The following ATRNL1 variants were observed in gnomAD, a reference collection of about 807,000 sequenced individuals.
ATRNL1 encodes the protein attractin like 1, also known as attractin-like protein 1.
Under a neutral mutation model 182.7 loss-of-function variants are expected in ATRNL1, and 95 were observed. The ratio of observed to expected loss-of-function variants is 0.52; its 90% CI spans 0.44 to 0.62. The LOEUF is 0.62. ATRNL1 is among the 20% of genes least tolerant of loss of function. ATRNL1 has a pLI of 0.00. For missense variants in ATRNL1, 1,471 were observed against 1,679.5 expected (o/e 0.88, Z 2.17); for synonymous variants, 576 against 568.3 (o/e 1.01, Z -0.19).
At chr10:115,203,361 G>A (rs868937209) in intron 8 of ATRNL1, among the ~76,000 whole-genome samples, 5 of 152,020 alleles carry the variant, frequency 3.3e-5, no homozygotes, top group African/African-American at 4.8e-5. Flanking sequence ...ACTTCTTAGA[G>A]AAAAAACAGA....
At chr10:115,099,846 C>A (rs1439331315) in intron 1 of ATRNL1, among the ~76,000 whole-genome samples, 1 of 152,126 alleles carries the variant, frequency 6.6e-6, no homozygotes, top group Non-Finnish European at 1.5e-5. Flanking sequence ...ATATCATTTG[C>A]ATATATTTTC....
At chr10:115,472,493 TTTA>T (rs1430799199) in intron 24 of ATRNL1, among the ~76,000 whole-genome samples, 2 of 151,072 alleles carry the variant, frequency 1.3e-5, no homozygotes, top group Non-Finnish European at 1.5e-5. Flanking sequence ...ATATTTTCCA[TTTA>T]TTATTGATGT....
At chr10:115,754,801 G>A (rs1948542691) in intron 27 of ATRNL1, among the ~76,000 whole-genome samples, 3 of 152,154 alleles carry the variant, frequency 2.0e-5, no homozygotes, top group East Asian at 1.9e-4. Flanking sequence ...CTATCCATGA[G>A]CGTGGAATGT....
chr10:115,763,503 C>T (rs1199470112), intron 27 of ATRNL1, among the ~76,000 whole-genome samples: 2 of 152,144 alleles, frequency 1.3e-5, no homozygotes, highest in Non-Finnish European at 2.9e-5. Context: ...GAACAGAGGG[C>T]ATTCCATTCA....
At chr10:115,642,891 T>C (rs1859343021) in intron 26 of ATRNL1, among the ~76,000 whole-genome samples, 1 of 152,206 alleles carries the variant, frequency 6.6e-6, no homozygotes, top group Admixed American at 6.5e-5. Flanking sequence ...AAGCAGTGGC[T>C]CTCAACAGAG....
intron 28 of ATRNL1, among the ~76,000 whole-genome samples, chr10:115,869,458 T>C (rs797036443): frequency 7.2e-5 from 11 of 152,264 alleles, no homozygotes; most frequent in African/African-American, 2.6e-4. Flanking sequence ...AGTGCATGCC[T>C]GCATGCACAG....
At chr10:115,722,354 A>C (rs556738851) in intron 26 of ATRNL1, among the ~76,000 whole-genome samples, 3 of 152,112 alleles carry the variant, frequency 2.0e-5, no homozygotes, top group African/African-American at 7.2e-5. Flanking sequence ...TTAACCTCAC[A>C]CTGGAAGACT....
At chr10:115,672,623 C>A (rs74158238) in intron 26 of ATRNL1, among the ~76,000 whole-genome samples, 1,757 of 152,042 alleles carry the variant, frequency 0.012, 35 homozygotes, top group African/African-American at 0.04. Context: ...TCTTAGATTT[C>A]GATTTTCAAA....
intron 26 of ATRNL1, among the ~76,000 whole-genome samples, chr10:115,691,141 G>A (rs1049124578): frequency 5.3e-5 from 8 of 152,250 alleles, no homozygotes; most frequent in African/African-American, 1.7e-4. Flanking sequence ...GGTGCCCAAT[G>A]TCTGTAGTTA....
intron 13 of ATRNL1, among the ~76,000 whole-genome samples, chr10:115,271,136 G>T (rs930057285): frequency 2.7e-5 from 4 of 148,364 alleles, no homozygotes; most frequent in African/African-American, 1.0e-4. Flanking sequence ...CATGATGAGG[G>T]AATAAGAGAA....
chr10:115,897,978 T>C (rs1555112917), intron 28 of ATRNL1, among the ~76,000 whole-genome samples: 1 of 151,664 alleles, frequency 6.6e-6, no homozygotes, highest in East Asian at 1.9e-4. Flanking sequence ...CAGGCTGGAG[T>C]GCAATGGTGT....
At chr10:115,907,254 G>A (rs7091971) in intron 28 of ATRNL1, among the ~76,000 whole-genome samples, 6,123 of 152,230 alleles carry the variant, frequency 0.04, 352 homozygotes, top group African/African-American at 0.13. Context: ...AGGAAGCTGC[G>A]GTAGCAAGCT....
intron 11 of ATRNL1, among the ~76,000 whole-genome samples, chr10:115,265,517 T>C (rs1290039765): frequency 6.6e-6 from 1 of 151,672 alleles, no homozygotes; most frequent in Non-Finnish European, 1.5e-5. Flanking sequence ...AGACATCAGA[T>C]ACCCTTTTAT....
chr10:115,822,302 C>A (rs1341117594), intron 27 of ATRNL1, among the ~76,000 whole-genome samples: 3 of 152,154 alleles, frequency 2.0e-5, no homozygotes, highest in African/African-American at 7.2e-5. Flanking sequence ...AAATTTATAG[C>A]ACTAAATGCC....
intron 26 of ATRNL1, among the ~76,000 whole-genome samples, chr10:115,553,730 T>A (rs1554996210): frequency 6.6e-6 from 1 of 151,438 alleles, no homozygotes; most frequent in African/African-American, 2.4e-5. Flanking sequence ...GCAAATACAT[T>A]AGTTCTTTCC....
intron 18 of ATRNL1, among the ~76,000 whole-genome samples, chr10:115,324,823 G>T (rs1383639674): frequency 4.6e-5 from 7 of 152,056 alleles, no homozygotes; most frequent in African/African-American, 1.7e-4. Context: ...CTGGATTTTG[G>T]AACCCATGCC....
At chr10:115,716,725 A>G (rs924526208) in intron 26 of ATRNL1, among the ~76,000 whole-genome samples, 1 of 152,132 alleles carries the variant, frequency 6.6e-6, no homozygotes, top group East Asian at 1.9e-4. Flanking sequence ...TCAGTGTGTC[A>G]TTTCTATTGT....
intron 26 of ATRNL1, among the ~76,000 whole-genome samples, chr10:115,689,808 G>A (rs1336863797): frequency 1.3e-5 from 2 of 152,160 alleles, no homozygotes; most frequent in African/African-American, 4.8e-5. Context: ...GTAGAGGTGG[G>A]GAAGGACCCT....
intron 26 of ATRNL1, among the ~76,000 whole-genome samples, chr10:115,561,322 T>A (rs922350960): frequency 6.6e-6 from 1 of 152,240 alleles, no homozygotes; most frequent in East Asian, 1.9e-4. Context: ...CACTTAAAAA[T>A]GTATAAAGAA....
Sources: allele counts gnomAD v4.1 joint callset (sites outside exome capture counted in the v4.1 genomes callset), GRCh38; gene constraint gnomAD v4.1.1; transcripts MANE v1.5; gene names NCBI Gene and HGNC (gene_info 2026-07-23, HGNC 2026-07-21).